The following MLXIP variants were observed in gnomAD, a reference collection of about 807,000 sequenced individuals.
MLXIP encodes MLX-interacting protein.
In MLXIP, 30 loss-of-function variants were observed where a neutral mutation model predicts 87.2. That is an observed-to-expected ratio of 0.34 (90% CI 0.26 to 0.47). The LOEUF (loss-of-function observed/expected upper bound fraction) is 0.47. Ranked by LOEUF, MLXIP falls within the 20% of genes least tolerant of loss-of-function variation. The pLI, the probability that MLXIP is intolerant of heterozygous loss-of-function variation, is 1.00. For synonymous variants in MLXIP, 530 were observed against 514.0 expected (o/e 1.03, Z -0.42); for missense variants, 1,002 against 1,240.1 (o/e 0.81, Z 2.88).
chr12:122,102,432 C>T (rs921248628), intron 1 of MLXIP, among the ~76,000 whole-genome samples: 5 of 152,154 alleles, frequency 3.3e-5, no homozygotes, highest in African/African-American at 1.2e-4. Context: ...GGGAGAGCAT[C>T]GAGATCCATT....
chr12:122,086,991 A>G (rs36165725), intron 1 of MLXIP, among the ~76,000 whole-genome samples: 1,895 of 152,236 alleles, frequency 0.012, 34 homozygotes, highest in East Asian at 0.039. Flanking sequence ...GAGCTTCTGG[A>G]TCCGCCCAGC....
In MLXIP at chr12:122,135,798, G is replaced by A. The variant is rs1565987351; in HGVS notation, c.2032+132G>A. ...TAGGACACACAGTGAGGTCTTGTAGGCCTGCTGATAACACAGTCTGGGAAC... is the reference window on the plus strand; with the variant it reads ...TAGGACACACAGTGAGGTCTTGTAGACCTGCTGATAACACAGTCTGGGAAC... On this transcript the variant is annotated intron_variant, in intron 11 of 16. Transcript: ENST00000319080. The surrounding 1 kb of genome is among the most constrained non-coding windows in gnomAD (Gnocchi z 5.3). 2 of 1,107,496 alleles carry A rather than the reference G, an allele frequency of 1.8e-6. No homozygotes were observed. The highest frequency in any genetic ancestry group is 1.7e-5 in the South Asian group (1 of 58,144). The allele number at this position is 1,107,496 out of a possible 1,614,324, so 68.6% of individuals were successfully genotyped here. A position where few individuals can be genotyped will look rare whatever the true frequency, so the allele number is the denominator to read the frequency against.
At chr12:122,122,448 C>T (rs1265278136) in intron 1 of MLXIP, among the ~76,000 whole-genome samples, 2 of 152,190 alleles carry the variant, frequency 1.3e-5, no homozygotes, top group Non-Finnish European at 2.9e-5. Flanking sequence ...ACTGCACCCT[C>T]CAACTCCTGG....
At chr12:122,082,218 A>G (rs1454154585) in intron 1 of MLXIP, among the ~76,000 whole-genome samples, 1 of 152,134 alleles carries the variant, frequency 6.6e-6, no homozygotes. Context: ...TGCAGATGGG[A>G]TTCCTTGTCC....
In MLXIP at chr12:122,120,720, CCCTCTT is replaced by C. The variant is rs1310074560; in HGVS notation, c.414-6534_414-6529del. On this transcript the variant is annotated intron_variant, in intron 1 of 16. Coordinates refer to ENST00000319080, the MANE Select transcript of MLXIP (RefSeq NM_014938.6). ...CCTGGACTGACCTTCCACCTCCACC[CCCTCTT>C]CAGGAGCAGGGGAAGGAGGGAACGA... Among the ~76,000 whole-genome samples, 10 of 152,268 alleles carry C rather than the reference CCCTCTT, an allele frequency of 6.6e-5. No homozygotes were observed. The East Asian group carries it at 1.5e-3, about 23-fold the overall frequency.
chr12:122,087,438 C>T (rs1952184873), intron 1 of MLXIP, among the ~76,000 whole-genome samples: 1 of 151,966 alleles, frequency 6.6e-6, no homozygotes, highest in African/African-American at 2.4e-5. Flanking sequence ...GAGAAGTCCT[C>T]TGGGGGAGGT....
At position 122,141,130 on chromosome 12, in the gene MLXIP, G is replaced by A. The variant is rs757768124; in HGVS notation, c.2638+47G>A. 25 of 1,572,316 alleles carry A rather than the reference G, an allele frequency of 1.6e-5. No homozygotes were observed. In the East Asian group the frequency reaches 5.5e-4, roughly 34 times the overall value. On this transcript the variant is annotated intron_variant, in intron 16 of 16. Transcript: ENST00000319080. Reference sequence around the variant, plus strand: ...TGGGGGGCTTCATGCTAGTCCTGGAGGGAGGACAGCCCCAGGCTGAGGACA... The same window carrying A: ...TGGGGGGCTTCATGCTAGTCCTGGAAGGAGGACAGCCCCAGGCTGAGGACA...
chr12:122,101,037 TTATAA>T (rs200233465), intron 1 of MLXIP, among the ~76,000 whole-genome samples: 1,831 of 152,268 alleles, frequency 0.012, 38 homozygotes, highest in African/African-American at 0.042. Flanking sequence ...CTTCAAAAAA[TTATAA>T]TATATTCTCA....
At chr12:122,093,701 GT>G (rs1952289996) in intron 1 of MLXIP, among the ~76,000 whole-genome samples, 1 of 136,422 alleles carries the variant, frequency 7.3e-6, no homozygotes, top group Admixed American at 7.7e-5. Flanking sequence ...GGTGTGTGGG[GT>G]GTGTTGGTGT....
rs1448714316 is a variant in MLXIP, at chr12:122,137,110, G to A, written c.2033-359G>A. 6.5e-6 allele frequency: 1 copy of A among 153,376 alleles called. No individual in the cohort carries two copies. The highest frequency in any genetic ancestry group is 1.9e-4 in the East Asian group (1 of 5,302). The allele number at this position is 153,376 out of a possible 1,614,324, so 9.5% of individuals were successfully genotyped here. ...AGCCCAGGAGATTGAGACCAGCCTAGACAATATAGTGAGACCTTGGCTCTA... is the reference window on the plus strand; with the variant it reads ...AGCCCAGGAGATTGAGACCAGCCTAAACAATATAGTGAGACCTTGGCTCTA... On this transcript the variant is annotated intron_variant, in intron 11 of 16. Coordinates refer to ENST00000319080, the MANE Select transcript of MLXIP (RefSeq NM_014938.6). The surrounding 1 kb of genome is among the most constrained non-coding windows in gnomAD (Gnocchi z 4.1).
rs182555893 is a variant in MLXIP, at chr12:122,084,625, C to T, written c.413+5359C>T. 4.6e-5 allele frequency among the ~76,000 whole-genome samples: 7 copies of T among 152,284 alleles called. No homozygotes were observed. The East Asian group carries it at 1.4e-3, about 29-fold the overall frequency. ...GCAGTGGCGTGATCTTGGCTCACTG[C>T]AACCTCTGCCTCCCAGGTTCAAGCG... On this transcript the variant is annotated intron_variant, in intron 1 of 16. Coordinates refer to ENST00000319080, the MANE Select transcript of MLXIP (RefSeq NM_014938.6).
intron 1 of MLXIP, among the ~76,000 whole-genome samples, chr12:122,104,728 C>T (rs1405976200): frequency 2.6e-5 from 4 of 151,788 alleles, no homozygotes; most frequent in Admixed American, 6.6e-5. Flanking sequence ...TATAGGTGCC[C>T]GCCACCACGC....
rs1366209247 is a variant in MLXIP at position 122,093,175 on chromosome 12, AGT to A, written c.413+13915_413+13916del. ...GGCGTGTAGGGTATGTAGTGTGTGT[AGT>A]GTGTGGGGGTGGATGTCTGTGTGTG... On this transcript the variant is annotated intron_variant, in intron 1 of 16. Transcript: ENST00000319080. Among the ~76,000 whole-genome samples, 6 of 114,456 alleles carry A rather than the reference AGT, an allele frequency of 5.2e-5. No homozygotes were observed. The South Asian group carries it at 1.1e-3, about 21-fold the overall frequency. 75.1% of individuals were successfully genotyped at this position (114,456 alleles called of 152,430 possible). A position where few individuals can be genotyped will look rare whatever the true frequency, so the allele number is the denominator to read the frequency against.
chr12:122,115,121 G>T (rs1165320826), intron 1 of MLXIP, among the ~76,000 whole-genome samples: 1 of 152,078 alleles, frequency 6.6e-6, no homozygotes, highest in Non-Finnish European at 1.5e-5. Flanking sequence ...GGAATTGAAG[G>T]TGAGTTTGCT....
At chr12:122,079,835 A>T (rs1952065795) in intron 1 of MLXIP, among the ~76,000 whole-genome samples, 1 of 152,218 alleles carries the variant, frequency 6.6e-6, no homozygotes, top group Admixed American at 6.5e-5. Context: ...CTGCACCTGG[A>T]GGCTGGCCCC....
At chr12:122,096,096 A>C (rs1474451845) in intron 1 of MLXIP, among the ~76,000 whole-genome samples, 1 of 151,578 alleles carries the variant, frequency 6.6e-6, no homozygotes, top group African/African-American at 2.4e-5. Flanking sequence ...TTTATTTTTT[A>C]AAGATAGGTC....
chr12:122,128,567 C>T, intron 3 of MLXIP: 1 of 158,688 alleles, frequency 6.3e-6, no homozygotes, highest in South Asian at 1.9e-4. Context: ...CGAGGACACA[C>T]ACACAGTGTT....
intron 1 of MLXIP, among the ~76,000 whole-genome samples, chr12:122,093,194 CTG>C (rs1175238944): frequency 4.0e-4 from 51 of 127,862 alleles, no homozygotes; most frequent in African/African-American, 1.3e-3. Flanking sequence ...GGGTGGATGT[CTG>C]TGTGTGGTGT....
Position 122,142,159 on chromosome 12 carries a change from G to T in MLXIP, c.*347G>T. ...GGGCCTGGCGCCGGTGAGCGGAATC[G>T]ATGGGATGAGGGTGACAGGGCCTGC... On this transcript the variant is annotated 3_prime_UTR_variant, in exon 17 of 17. Coordinates refer to ENST00000319080, the MANE Select transcript of MLXIP (RefSeq NM_014938.6). 7.1e-6 allele frequency: 5 copies of T among 701,424 alleles called. No individual in the cohort carries two copies. The highest frequency in any genetic ancestry group is 2.3e-4 in the Middle Eastern group (1 of 4,346). 43.5% of individuals were successfully genotyped at this position (701,424 alleles called of 1,614,324 possible).
Sources: allele counts gnomAD v4.1 joint callset (sites outside exome capture counted in the v4.1 genomes callset), GRCh38; gene constraint gnomAD v4.1.1; non-coding constraint Gnocchi (gnomAD v3.1); transcripts MANE v1.5; gene names NCBI Gene and HGNC (gene_info 2026-07-23, HGNC 2026-07-21).